Variants in SUPT3H observed in about 807,000 individuals in gnomAD.
SUPT3H encodes the protein transcription initiation protein SPT3 homolog.
A neutral mutation model predicts 44.3 loss-of-function variants in SUPT3H; 44 were observed. The observed-to-expected ratio is 0.99, with a 90% CI of 0.78 to 1.28. SUPT3H has a LOEUF of 1.28. Ranked by LOEUF, SUPT3H falls within the 50% of genes most tolerant of loss-of-function variation. The pLI is 0.00. For missense variants in SUPT3H, 380 were observed against 387.1 expected (o/e 0.98, Z 0.15); for synonymous variants, 124 against 125.6 (o/e 0.99, Z 0.09).
At chr6:45,284,829 G>A (rs181001036) in intron 2 of SUPT3H, among the ~76,000 whole-genome samples, 18 of 152,162 alleles carry the variant, frequency 1.2e-4, no homozygotes, top group Non-Finnish European at 1.8e-4. Flanking sequence ...GATGAACATC[G>A]ATACAAAAAT....
intron 7 of SUPT3H, among the ~76,000 whole-genome samples, chr6:44,959,332 C>T (rs151085694): frequency 0.018 from 2,771 of 151,998 alleles, 81 homozygotes; most frequent in African/African-American, 0.062. Flanking sequence ...TCTAATACAA[C>T]ATAGAAAAGG....
intron 3 of SUPT3H, among the ~76,000 whole-genome samples, chr6:45,033,670 G>A (rs908701282): frequency 1.3e-5 from 2 of 152,138 alleles, no homozygotes; most frequent in African/African-American, 4.8e-5. Context: ...CTATATTGAG[G>A]AGTGTGTAAA....
chr6:45,183,248 A>G (rs1325688996), intron 2 of SUPT3H, among the ~76,000 whole-genome samples: 1 of 152,244 alleles, frequency 6.6e-6, no homozygotes, highest in Non-Finnish European at 1.5e-5. Context: ...TCACTTATAT[A>G]AAGTATCTAG....
downstream of SUPT3H, among the ~76,000 whole-genome samples, chr6:44,824,691 G>A (rs1767608481): frequency 6.6e-6 from 1 of 152,148 alleles, no homozygotes; most frequent in African/African-American, 2.4e-5. Context: ...GATCACTTGA[G>A]TCCAAGAGTT....
chr6:44,891,814 G>A (rs995942840), intron 10 of SUPT3H, among the ~76,000 whole-genome samples: 5 of 151,476 alleles, frequency 3.3e-5, no homozygotes, highest in Non-Finnish European at 5.9e-5. Context: ...AAAAAAGATG[G>A]TTGATGGAGA....
At chr6:45,253,015 T>C (rs1282334354) in intron 2 of SUPT3H, among the ~76,000 whole-genome samples, 1 of 151,368 alleles carries the variant, frequency 6.6e-6, no homozygotes, top group East Asian at 1.9e-4. Flanking sequence ...ATACTAACCT[T>C]ACCAAAAAGT....
chr6:44,845,006 C>G (rs1396527325), intron 10 of SUPT3H, among the ~76,000 whole-genome samples: 1 of 152,090 alleles, frequency 6.6e-6, no homozygotes, highest in Non-Finnish European at 1.5e-5. Context: ...TGGACTTGAA[C>G]AGTACTAGAA....
intron 3 of SUPT3H, among the ~76,000 whole-genome samples, chr6:45,087,637 T>A (rs1231718377): frequency 6.6e-6 from 1 of 151,856 alleles, no homozygotes; most frequent in Admixed American, 6.6e-5. Context: ...ACAAACACAT[T>A]CATAGTATTA....
intron 2 of SUPT3H, among the ~76,000 whole-genome samples, chr6:45,189,077 C>T (rs1814724679): frequency 6.6e-6 from 1 of 152,026 alleles, no homozygotes; most frequent in Admixed American, 6.6e-5. Context: ...GCTGGGATTA[C>T]AGGCATGAGC....
chr6:45,084,711 T>C (rs1562426261), intron 3 of SUPT3H, among the ~76,000 whole-genome samples: 1 of 152,138 alleles, frequency 6.6e-6, no homozygotes, highest in Non-Finnish European at 1.5e-5. Context: ...GGAATCAATC[T>C]AGGTGTCCAT....
At chr6:45,075,946 A>C (rs1443649408) in intron 3 of SUPT3H, among the ~76,000 whole-genome samples, 1 of 152,060 alleles carries the variant, frequency 6.6e-6, no homozygotes, top group Non-Finnish European at 1.5e-5. Context: ...TACTAGAATA[A>C]TTTTCAGTAT....
intron 2 of SUPT3H, among the ~76,000 whole-genome samples, chr6:45,320,102 T>C (rs1785250372): frequency 1.3e-5 from 2 of 152,100 alleles, no homozygotes; most frequent in Non-Finnish European, 1.5e-5. Context: ...GGTTATTACA[T>C]ACCATAGACA....
At chr6:44,831,745 C>CTGAG (rs1411738348) in intron 10 of SUPT3H, among the ~76,000 whole-genome samples, 1 of 150,856 alleles carries the variant, frequency 6.6e-6, no homozygotes, top group Non-Finnish European at 1.5e-5. Flanking sequence ...TAGAGGGAGA[C>CTGAG]TGAGTCTTAG....
intron 2 of SUPT3H, among the ~76,000 whole-genome samples, chr6:45,130,697 C>CAA (rs1212283346): frequency 2.9e-5 from 1 of 34,018 alleles, no homozygotes; most frequent in African/African-American, 1.2e-4. Context: ...AAAAAAAAAA[C>CAA]AAAAAAAAAA....
chr6:45,043,152 C>T (rs1052558971), intron 3 of SUPT3H, among the ~76,000 whole-genome samples: 23 of 151,142 alleles, frequency 1.5e-4, no homozygotes, highest in African/African-American at 5.6e-4. Flanking sequence ...TACACACACA[C>T]ACACACACAC....
chr6:45,244,907 G>A (rs1347279963), intron 2 of SUPT3H, among the ~76,000 whole-genome samples: 1 of 152,008 alleles, frequency 6.6e-6, no homozygotes, highest in Non-Finnish European at 1.5e-5. Flanking sequence ...CTAAATAAAT[G>A]AAAAATCTTA....
chr6:44,999,687 C>A (rs1781757530), intron 6 of SUPT3H, among the ~76,000 whole-genome samples: 1 of 151,830 alleles, frequency 6.6e-6, no homozygotes, highest in African/African-American at 2.4e-5. Context: ...ATTAATCAGT[C>A]AAAGATGGGG....
chr6:45,202,651 C>T (rs561066195), intron 2 of SUPT3H, among the ~76,000 whole-genome samples: 2 of 152,110 alleles, frequency 1.3e-5, no homozygotes, highest in South Asian at 4.1e-4. Context: ...TATTACTACT[C>T]GTACTATCAA....
At chr6:45,047,866 A>G (rs914892399) in intron 3 of SUPT3H, among the ~76,000 whole-genome samples, 6 of 151,602 alleles carry the variant, frequency 4.0e-5, no homozygotes, top group Non-Finnish European at 8.8e-5. Context: ...AATTTTTCAT[A>G]TATGTGTTGG....
Sources: gnomAD v4.1 joint callset for allele counts (sites outside exome capture counted in the v4.1 genomes callset) on GRCh38, gnomAD v4.1.1 for gene constraint, MANE v1.5 for transcripts, NCBI Gene and HGNC (gene_info 2026-07-23, HGNC 2026-07-21) for gene names.